The following CHODL variants were observed in gnomAD, a reference collection of about 807,000 sequenced individuals.
CHODL encodes the protein chondrolectin, also known as transmembrane protein MT75.
A neutral mutation model predicts 34.5 loss-of-function variants in CHODL; 29 were observed. That is an observed-to-expected ratio of 0.84 (90% CI 0.63 to 1.15). The LOEUF is 1.15. Among genes scored for constraint, CHODL ranks in the 50% most tolerant of loss-of-function variants. The probability of loss-of-function intolerance (pLI) is 0.00; values close to 1 mark genes in which losing one functional copy is unlikely to be tolerated. For synonymous variants in CHODL, 125 were observed against 116.1 expected (o/e 1.08, Z -0.49); for missense variants, 332 against 332.5 (o/e 1.00, Z 0.01).
chr21:18,223,369 T>C (rs1216370754), intron 2 of CHODL, among the ~76,000 whole-genome samples: 1 of 152,210 alleles, frequency 6.6e-6, no homozygotes, highest in South Asian at 2.1e-4. Flanking sequence ...GAAGGTCATG[T>C]CCATAGCATT....
intron 1 of CHODL, among the ~76,000 whole-genome samples, chr21:18,001,596 G>A (rs563778133): frequency 2.0e-5 from 3 of 152,180 alleles, no homozygotes; most frequent in South Asian, 2.1e-4. Context: ...TTTAGTCCCC[G>A]TTTACACTAT....
chr21:18,216,629 C>G (rs2073831191), intron 2 of CHODL, among the ~76,000 whole-genome samples: 1 of 152,130 alleles, frequency 6.6e-6, no homozygotes, highest in African/African-American at 2.4e-5. Context: ...AGTTTTCGCA[C>G]TGCTATAAAA....
intron 1 of CHODL, among the ~76,000 whole-genome samples, chr21:17,926,841 T>C (rs1310998879): frequency 6.6e-6 from 1 of 152,064 alleles, no homozygotes; most frequent in Non-Finnish European, 1.5e-5. Context: ...TAAAGGCAAA[T>C]ATTATAAAAA....
At position 18,245,165 on chromosome 21, in the gene CHODL, C is replaced by T; in HGVS notation, c.-59C>T. ...GCTGCAGAGTCAGAGTCGCGGGCTG[C>T]GCCCTGGGCAGAGGCCGCCCTCGCT... On this transcript the variant is annotated 5_prime_UTR_variant, in exon 1 of 6. Coordinates refer to ENST00000299295, the MANE Select transcript of CHODL (RefSeq NM_024944.3). 3 of 1,283,820 alleles carry T rather than the reference C, an allele frequency of 2.3e-6. No homozygotes were observed. Among genetic ancestry groups the T allele is most frequent in the Non-Finnish European group, 3.1e-6 (3 of 966,842 alleles). 79.5% of individuals were successfully genotyped at this position (1,283,820 alleles called of 1,614,324 possible).
Position 18,008,145 on chromosome 21 carries a change from C to CT in CHODL, c.-144-19719dup, listed in dbSNP as rs200595635. Among the ~76,000 whole-genome samples, 121 of 150,806 alleles carry CT rather than the reference C, an allele frequency of 8.0e-4. 1 individual carries two copies. The East Asian group carries it at 0.016, about 20-fold the overall frequency. On this transcript the variant is annotated intron_variant, in intron 1 of 6. Coordinates refer to the CHODL transcript ENST00000400127. ...GTGAATTTATTTAAATATTTTTCTTCTTTTTTTTAAAAAAAAGCTTTATTG... is the reference window on the plus strand; with the variant it reads ...GTGAATTTATTTAAATATTTTTCTTCTTTTTTTTTAAAAAAAAGCTTTATTG...
rs184819998 is a variant in CHODL at position 18,152,744 on chromosome 21, A to C, written c.-44-103765A>C. Among the ~76,000 whole-genome samples the C allele has an allele frequency of 2.8e-3, 421 of 152,346 alleles. 3 individuals carry two copies. The highest frequency in any genetic ancestry group is 9.8e-3 in the African/African-American group (409 of 41,588). ...TATCCCACCATGTTCAGATCCCTCAAGAAGAAGGATCGTTCATGGTATATG... is the reference window on the plus strand; with the variant it reads ...TATCCCACCATGTTCAGATCCCTCACGAAGAAGGATCGTTCATGGTATATG... On this transcript the variant is annotated intron_variant, in intron 2 of 6. Coordinates refer to the CHODL transcript ENST00000400127.
Position 17,926,475 on chromosome 21 carries a change from A to G in CHODL, c.-145+9075A>G, listed in dbSNP as rs141341069. ...GTTTATAAAGGAAAGAAGTTTAATTAACTCACAGTTCCTCATTGCTGGGGA... is the reference window on the plus strand; with the variant it reads ...GTTTATAAAGGAAAGAAGTTTAATTGACTCACAGTTCCTCATTGCTGGGGA... On this transcript the variant is annotated intron_variant, in intron 1 of 6. Coordinates refer to the CHODL transcript ENST00000400127. Among the ~76,000 whole-genome samples, 1,215 of 151,998 alleles carry G rather than the reference A, an allele frequency of 8.0e-3. 19 individuals are homozygous for G. The highest frequency in any genetic ancestry group is 0.027 in the African/African-American group (1,124 of 41,414).
intron 1 of CHODL, among the ~76,000 whole-genome samples, chr21:17,971,287 T>C (rs1263151404): frequency 1.3e-5 from 2 of 152,244 alleles, no homozygotes; most frequent in Admixed American, 1.3e-4. Flanking sequence ...TTTCTAGTTA[T>C]AGATGCTTGA....
chr21:18,183,134 G>T (rs1186002819), intron 2 of CHODL, among the ~76,000 whole-genome samples: 1 of 152,128 alleles, frequency 6.6e-6, no homozygotes, highest in Non-Finnish European at 1.5e-5. Context: ...TGCATTTGGG[G>T]ATCCCTTTCT....
chr21:18,185,402 T>C (rs924863129), intron 2 of CHODL, among the ~76,000 whole-genome samples: 1 of 152,226 alleles, frequency 6.6e-6, no homozygotes, highest in Non-Finnish European at 1.5e-5. Context: ...TGTGCCACAT[T>C]TTCTTTATCC....
rs541569148 is a variant in CHODL at position 17,938,571 on chromosome 21, C to T, written c.-145+21171C>T. 3.4e-4 allele frequency among the ~76,000 whole-genome samples: 49 copies of T among 144,424 alleles called. No individual in the cohort carries two copies. In the South Asian group the frequency reaches 7.8e-3, roughly 23 times the overall value. The allele number at this position is 144,424 out of a possible 152,430, so 94.7% of individuals were successfully genotyped here. On this transcript the variant is annotated intron_variant, in intron 1 of 6. Coordinates refer to the CHODL transcript ENST00000400127. ...TCGGCTCACTGCAAGCTCCGCCTCCCGGGTTCGCGCCATTCTCCTGCCTCA... is the reference window on the plus strand; with the variant it reads ...TCGGCTCACTGCAAGCTCCGCCTCCTGGGTTCGCGCCATTCTCCTGCCTCA...
intron 5 of CHODL, among the ~76,000 whole-genome samples, chr21:18,265,207 A>G (rs907581922): frequency 6.7e-6 from 1 of 148,274 alleles, no homozygotes; most frequent in Non-Finnish European, 1.5e-5. Flanking sequence ...ACACACACAC[A>G]TATATGTATG....
chr21:18,263,234 G>GT (rs2074404240), intron 5 of CHODL, among the ~76,000 whole-genome samples: 1 of 152,018 alleles, frequency 6.6e-6, no homozygotes, highest in Non-Finnish European at 1.5e-5. Flanking sequence ...ATATTATACT[G>GT]TTTTTTGTTT....
At chr21:18,132,953 C>T (rs1437092588) in intron 2 of CHODL, among the ~76,000 whole-genome samples, 3 of 152,088 alleles carry the variant, frequency 2.0e-5, no homozygotes, top group Non-Finnish European at 4.4e-5. Flanking sequence ...TGCTTTCTTA[C>T]AACCTATGAC....
At chr21:18,096,770 A>G (rs1374002939) in intron 2 of CHODL, among the ~76,000 whole-genome samples, 1 of 152,034 alleles carries the variant, frequency 6.6e-6, no homozygotes, top group African/African-American at 2.4e-5. Context: ...TTGCCTTGTG[A>G]TCTTTTATTG....
chr21:18,022,800 G>A (rs2064139990), intron 1 of CHODL, among the ~76,000 whole-genome samples: 1 of 152,164 alleles, frequency 6.6e-6, no homozygotes, highest in African/African-American at 2.4e-5. Flanking sequence ...CCTAGATGTT[G>A]TGTATTGTTC....
At chr21:18,140,188 T>C (rs531212845) in intron 2 of CHODL, among the ~76,000 whole-genome samples, 4 of 152,308 alleles carry the variant, frequency 2.6e-5, no homozygotes, top group African/African-American at 9.6e-5. Flanking sequence ...TACACAGGAA[T>C]TGAAGAATTT....
intron 1 of CHODL, among the ~76,000 whole-genome samples, chr21:18,011,573 G>A (rs138268211): frequency 2.0e-3 from 297 of 152,218 alleles, no homozygotes; most frequent in African/African-American, 6.9e-3. Flanking sequence ...GTCTCAAATA[G>A]TTGTAAGTTC....
intron 2 of CHODL, among the ~76,000 whole-genome samples, chr21:18,058,352 G>A (rs1163986761): frequency 1.3e-5 from 2 of 152,226 alleles, no homozygotes; most frequent in African/African-American, 4.8e-5. Context: ...ACTATTAGGT[G>A]TTTAACCAAA....
Sources: allele counts gnomAD v4.1 joint callset (sites outside exome capture counted in the v4.1 genomes callset), GRCh38; gene constraint gnomAD v4.1.1; transcripts MANE v1.5; gene names NCBI Gene and HGNC (gene_info 2026-07-23, HGNC 2026-07-21).